NRG1: variants seen among roughly 807,000 people sequenced by gnomAD.
NRG1 encodes pro-neuregulin-1, membrane-bound isoform.
A neutral mutation model predicts 63.8 loss-of-function variants in NRG1; 18 were observed. That is an observed-to-expected ratio of 0.28 (90% confidence interval 0.19 to 0.42). NRG1 has a LOEUF of 0.42. Ranked by LOEUF, NRG1 falls within the 10% of genes least tolerant of loss-of-function variation. The pLI, the probability that NRG1 is intolerant of heterozygous loss-of-function variation, is 1.00. For synonymous variants in NRG1, 302 were observed against 301.3 expected (o/e 1.00, Z -0.02); for missense variants, 762 against 814.7 (o/e 0.94, Z 0.79).
chr8:32,588,714 A>C (rs59819635), intron 1 of NRG1, among the ~76,000 whole-genome samples: 3,854 of 152,268 alleles, frequency 0.025, 64 homozygotes, highest in Middle Eastern at 0.078. Flanking sequence ...AGCCATCTTA[A>C]CCCTACTTTG....
chr8:31,673,437 C>A lies in NRG1; in HGVS notation c.37+34006C>A, dbSNP rs1045464285. On this transcript the variant is annotated intron_variant, in intron 1 of 10. Coordinates refer to the NRG1 transcript ENST00000519301. ...GCTTTGATAGTCTTTGCTTTCTGAA[C>A]CTTTCCTCAGTATTACCTGTCACTT... Among the ~76,000 whole-genome samples, 16 of 152,182 alleles carry A rather than the reference C, an allele frequency of 1.1e-4. No individual in the cohort carries two copies. In the South Asian group the frequency reaches 1.2e-3, roughly 12 times the overall value.
At chr8:31,786,275 G>A (rs1020835842) in intron 1 of NRG1, among the ~76,000 whole-genome samples, 1 of 152,214 alleles carries the variant, frequency 6.6e-6, no homozygotes, top group Non-Finnish European at 1.5e-5. Flanking sequence ...GATGAAGGGA[G>A]ATTTGGTATT....
At chr8:31,689,411 A>C (rs957866146) in intron 1 of NRG1, among the ~76,000 whole-genome samples, 2 of 152,180 alleles carry the variant, frequency 1.3e-5, no homozygotes, top group Non-Finnish European at 2.9e-5. Flanking sequence ...AATTTAGTAC[A>C]TTATTATTCT....
At chr8:32,171,634 G>A (rs532736430) in intron 1 of NRG1, among the ~76,000 whole-genome samples, 2 of 152,190 alleles carry the variant, frequency 1.3e-5, no homozygotes, top group Admixed American at 6.5e-5. Flanking sequence ...TGGAAAATCG[G>A]GTCACTCCCA....
In NRG1 at chr8:32,366,871, C is replaced by T. The variant is rs916796534; in HGVS notation, c.38-228957C>T. Among the ~76,000 whole-genome samples, 36 of 151,378 alleles carry T rather than the reference C, an allele frequency of 2.4e-4. 1 individual carries two copies. Among genetic ancestry groups the T allele is most frequent in the African/African-American group, 6.1e-4 (25 of 41,134 alleles). ...GACTACAGTCATGTGCCACCATATC[C>T]GGCTAATTTTTGCATTTTTTAGTAG... On this transcript the variant is annotated intron_variant, in intron 1 of 10. Coordinates refer to the NRG1 transcript ENST00000519301.
At chr8:32,514,759 T>A (rs956377233) in intron 1 of NRG1, among the ~76,000 whole-genome samples, 1 of 152,136 alleles carries the variant, frequency 6.6e-6, no homozygotes, top group Admixed American at 6.5e-5. Context: ...AGCTAACTGT[T>A]ACCCTATAGA....
chr8:32,075,870 G>A (rs1035582810), intron 1 of NRG1, among the ~76,000 whole-genome samples: 3 of 152,018 alleles, frequency 2.0e-5, no homozygotes, highest in Admixed American at 1.3e-4. Flanking sequence ...ACGGGGTTTC[G>A]CCGTCTTGGC....
chr8:32,653,628 C>G (rs1855632996), intron 5 of NRG1, among the ~76,000 whole-genome samples: 1 of 152,160 alleles, frequency 6.6e-6, no homozygotes, highest in South Asian at 2.1e-4. Context: ...ATTCTTCTAG[C>G]ATGTACATAA....
intron 1 of NRG1, among the ~76,000 whole-genome samples, chr8:32,173,365 A>G (rs976739338): frequency 1.3e-5 from 2 of 152,216 alleles, no homozygotes; most frequent in African/African-American, 4.8e-5. Flanking sequence ...AGGAACAACC[A>G]GTACCAGCCA....
intron 1 of NRG1, among the ~76,000 whole-genome samples, chr8:32,203,176 T>C (rs2132310722): frequency 6.7e-6 from 1 of 149,284 alleles, no homozygotes; most frequent in South Asian, 2.1e-4. Context: ...TGGGGAACTT[T>C]AAGCAAGCCA....
chr8:32,338,573 G>T (rs889823437), intron 1 of NRG1, among the ~76,000 whole-genome samples: 1 of 152,048 alleles, frequency 6.6e-6, no homozygotes, highest in Non-Finnish European at 1.5e-5. Context: ...AGACCACGTG[G>T]ACTCTCTTCT....
intron 1 of NRG1, among the ~76,000 whole-genome samples, chr8:31,652,343 T>G (rs1389193760): frequency 6.6e-6 from 1 of 152,234 alleles, no homozygotes; most frequent in Non-Finnish European, 1.5e-5. Context: ...GATTCTTTCC[T>G]TCTCACATCC....
chr8:32,041,721 A>G (rs1158123335), intron 1 of NRG1, among the ~76,000 whole-genome samples: 1 of 152,202 alleles, frequency 6.6e-6, no homozygotes, highest in African/African-American at 2.4e-5. Flanking sequence ...GGGTACAGTC[A>G]CAAGAGCATG....
At chr8:32,302,413 G>A (rs1563290567) in intron 1 of NRG1, among the ~76,000 whole-genome samples, 1 of 152,174 alleles carries the variant, frequency 6.6e-6, no homozygotes, top group Non-Finnish European at 1.5e-5. Flanking sequence ...AATAATAAAC[G>A]AGGCTGTGTG....
chr8:32,684,584 A>G (rs939082240), intron 5 of NRG1, among the ~76,000 whole-genome samples: 1 of 152,152 alleles, frequency 6.6e-6, no homozygotes. Context: ...ACTATTAAGA[A>G]AGCTACAAGA....
At chr8:32,662,302 A>G (rs936624677) in intron 5 of NRG1, among the ~76,000 whole-genome samples, 1 of 152,234 alleles carries the variant, frequency 6.6e-6, no homozygotes, top group African/African-American at 2.4e-5. Flanking sequence ...CTCTGGGAAA[A>G]GGCCTTACTG....
At chr8:31,792,171 A>C (rs1820781192) in intron 1 of NRG1, among the ~76,000 whole-genome samples, 1 of 152,126 alleles carries the variant, frequency 6.6e-6, no homozygotes, top group Admixed American at 6.5e-5. Flanking sequence ...AAAGCACATT[A>C]CTCTTTAAGG....
At chr8:31,698,094 T>C (rs1357707860) in intron 1 of NRG1, among the ~76,000 whole-genome samples, 1 of 152,174 alleles carries the variant, frequency 6.6e-6, no homozygotes, top group South Asian at 2.1e-4. Context: ...ATGTCGGTAC[T>C]GTCACTACAG....
intron 1 of NRG1, among the ~76,000 whole-genome samples, chr8:31,755,658 C>T (rs993991426): frequency 6.6e-6 from 1 of 152,022 alleles, no homozygotes; most frequent in Non-Finnish European, 1.5e-5. Flanking sequence ...AACCAATATA[C>T]CTGACTATAT....
Sources: gnomAD v4.1 joint callset for allele counts (sites outside exome capture counted in the v4.1 genomes callset) on GRCh38, gnomAD v4.1.1 for gene constraint, MANE v1.5 for transcripts, NCBI Gene and HGNC (gene_info 2026-07-23, HGNC 2026-07-21) for gene names.